GRAMD1C: variants seen among roughly 807,000 people sequenced by gnomAD.
The protein encoded by GRAMD1C is protein Aster-C.
GRAMD1C carries 89 observed loss-of-function variants against 97.8 expected under a neutral mutation model. The observed-to-expected ratio is 0.91, with a 90% CI of 0.77 to 1.09. GRAMD1C has a LOEUF of 1.09. Among genes scored for constraint, GRAMD1C ranks in the 50% least tolerant of loss-of-function variants. The probability of loss-of-function intolerance (pLI) is 0.00; values close to 1 mark genes in which losing one functional copy is unlikely to be tolerated. For missense variants in GRAMD1C, 740 were observed against 766.4 expected (o/e 0.97, Z 0.41); for synonymous variants, 256 against 267.0 (o/e 0.96, Z 0.40).
intron 3 of GRAMD1C, among the ~76,000 whole-genome samples, chr3:113,870,493 A>G (rs958086433): frequency 6.6e-6 from 1 of 152,180 alleles, no homozygotes; most frequent in Non-Finnish European, 1.5e-5. Flanking sequence ...AGTTAGATAG[A>G]AGGAATAAGA....
At chr3:113,878,648 A>G (rs1935141931) in intron 5 of GRAMD1C, among the ~76,000 whole-genome samples, 1 of 152,222 alleles carries the variant, frequency 6.6e-6, no homozygotes, top group African/African-American at 2.4e-5. Flanking sequence ...ATAAATTCAC[A>G]TCAGGACCTC....
chr3:113,944,859 T>A (rs1408833227), intron 17 of GRAMD1C, among the ~76,000 whole-genome samples: 1 of 152,226 alleles, frequency 6.6e-6, no homozygotes, highest in Non-Finnish European at 1.5e-5. Flanking sequence ...CACAATTTTC[T>A]TAGAGAAATG....
intron 5 of GRAMD1C, among the ~76,000 whole-genome samples, chr3:113,882,211 G>C (rs918291928): frequency 1.3e-5 from 2 of 152,120 alleles, no homozygotes; most frequent in African/African-American, 4.8e-5. Flanking sequence ...GCATTCAAAG[G>C]AAAGTGCAGT....
chr3:113,897,870 T>TAC, intron 6 of GRAMD1C: 1 of 338,708 alleles, frequency 3.0e-6, no homozygotes, highest in Non-Finnish European at 4.2e-6. Flanking sequence ...CTAAGGTAGA[T>TAC]TATTTTTGCT....
At position 113,930,664 on chromosome 3, in the gene GRAMD1C, A is replaced by T. The variant is rs761436079; in HGVS notation, c.1091-50A>T. The stretch of plus-strand genomic sequence containing the variant: ...AGCTCCTTTGATTTCATTTAATGTC[A>T]TACTGTTTAAGTTTCTAGAACTAAC... On this transcript the variant is annotated intron_variant, in intron 10 of 17. Transcript: ENST00000358160. 3 of 944,886 alleles carry T rather than the reference A, an allele frequency of 3.2e-6. No individual in the cohort carries two copies. In the East Asian group the frequency reaches 7.2e-5, roughly 23 times the overall value. The allele number at this position is 944,886 out of a possible 1,614,324, so 58.5% of individuals were successfully genotyped here.
intron 9 of GRAMD1C, among the ~76,000 whole-genome samples, chr3:113,910,377 C>T (rs1021053272): frequency 2.0e-5 from 3 of 151,998 alleles, no homozygotes; most frequent in African/African-American, 4.8e-5. Context: ...TGTGAGACTC[C>T]GTCTCAAAAA....
chr3:113,906,602 A>G (rs1936381725), intron 8 of GRAMD1C, among the ~76,000 whole-genome samples: 2 of 152,204 alleles, frequency 1.3e-5, no homozygotes, highest in Non-Finnish European at 2.9e-5. Context: ...AAAAGTTCAT[A>G]AAATAAAAAT....
chr3:113,832,039 G>GTTTTTTTTTTTTTTTTTTTT (rs113465428), intron 1 of GRAMD1C, among the ~76,000 whole-genome samples: 1 of 149,418 alleles, frequency 6.7e-6, no homozygotes, highest in African/African-American at 2.5e-5. Flanking sequence ...CAGCAACTTT[G>GTTTTTTTTTTTTTTTTTTTT]TTTTTTTTGA....
intron 3 of GRAMD1C, 105 bp downstream of exon 3, chr3:113,869,696 A>G (rs1246918252): frequency 6.6e-6 from 4 of 602,458 alleles, no homozygotes; most frequent in Non-Finnish European, 1.2e-5. Context: ...GCTAGACAGA[A>G]TATAATTTTC....
intron 15 of GRAMD1C, 34 bp from the exon 16 acceptor site, chr3:113,939,852 A>G: frequency 8.9e-7 from 1 of 1,120,610 alleles, no homozygotes; most frequent in South Asian, 1.2e-5. Flanking sequence ...AGGTCTGGAA[A>G]AGTGTGGATT....
At chr3:113,920,493 T>C (rs77052983) in intron 10 of GRAMD1C, among the ~76,000 whole-genome samples, 44 of 152,342 alleles carry the variant, frequency 2.9e-4, no homozygotes, top group Non-Finnish European at 3.4e-4. Context: ...AGCATAAACA[T>C]TAAAAATTTT....
At position 113,911,191 on chromosome 3, in the gene GRAMD1C, C is replaced by T. The variant is rs550123245; in HGVS notation, c.952+2071C>T. ...AGAGAGAGACACACACACACACACG[C>T]ACACGAGAGAGAGAGAGAGCATACA... On this transcript the variant is annotated intron_variant, in intron 9 of 17. Coordinates refer to ENST00000358160, the MANE Select transcript of GRAMD1C (RefSeq NM_017577.5). 4.0e-3 allele frequency among the ~76,000 whole-genome samples: 609 copies of T among 151,718 alleles called. 5 individuals are homozygous for T. Among genetic ancestry groups the T allele is most frequent in the African/African-American group, 0.014 (575 of 41,334 alleles).
Position 113,838,936 on chromosome 3 carries a change from G to T in GRAMD1C, c.27G>T (p.Gln9His), listed in dbSNP as rs775030695. ...TGGAGGGCGCTCCGACTGTCCGTCA[G>T]GTAAGCCGCGGGCCTCGCTGGGGCA... MEGAPTVRQVMNEGDSSLA... is the reference protein window; with the variant it reads MEGAPTVRHVMNEGDSSLA... Residue 9 changes from glutamine to histidine, a missense_variant and splice_region_variant, in exon 1 of 18, where the codon CAG becomes CAT. Coordinates refer to ENST00000358160, the MANE Select transcript of GRAMD1C (RefSeq NM_017577.5). The T allele has an allele frequency of 9.1e-7, 1 of 1,096,954 alleles. No homozygotes were observed. The highest frequency in any genetic ancestry group is 1.1e-6 in the Non-Finnish European group (1 of 923,268). 68.0% of individuals were successfully genotyped at this position (1,096,954 alleles called of 1,614,324 possible).
intron 2 of GRAMD1C, 59 bp downstream of exon 2, chr3:113,844,708 C>T: frequency 2.5e-6 from 3 of 1,211,538 alleles, no homozygotes; most frequent in Middle Eastern, 2.0e-4. Context: ...TTTAAATCTG[C>T]AAGGAGTCAT....
intron 1 of GRAMD1C, among the ~76,000 whole-genome samples, chr3:113,829,498 A>G (rs376059204): frequency 6.6e-6 from 1 of 151,166 alleles, no homozygotes. Context: ...CTGTGTTTGC[A>G]TTTGTGCAAC....
At chr3:113,837,723 A>AAAACAAACAAACAAAC (rs58525780), upstream of GRAMD1C, among the ~76,000 whole-genome samples, 30 of 150,062 alleles carry the variant, frequency 2.0e-4, no homozygotes, top group Admixed American at 1.1e-3. Flanking sequence ...CCTGTCTCAA[A>AAAACAAACAAACAAAC]AAACAAACAA....
intron 11 of GRAMD1C, 55 bp downstream of exon 11, chr3:113,930,887 T>A: frequency 6.7e-6 from 6 of 895,244 alleles, no homozygotes; most frequent in Non-Finnish European, 1.1e-5. Context: ...AGAGAGAAGA[T>A]GCCTATTATA....
In GRAMD1C at chr3:113,933,613, T is replaced by C. The variant is rs572482592; in HGVS notation, c.1312T>C (p.Tyr438His). 44 of 1,604,714 alleles carry C rather than the reference T, an allele frequency of 2.7e-5. No individual in the cohort carries two copies. The African/African-American group carries it at 5.3e-4, about 19-fold the overall frequency. ...YHDYFYTVNRYCIIRSSKQKC... is the reference protein window; with the variant it reads ...YHDYFYTVNRHCIIRSSKQKC... Reference sequence around the variant, plus strand: ...TGATTACTTCTATACCGTGAACAGATACTGTATCATCCGATCTTCAAAACA... The same window carrying C: ...TGATTACTTCTATACCGTGAACAGACACTGTATCATCCGATCTTCAAAACA... The change falls in exon 12 of 18, where the codon TAC (tyrosine) becomes CAC (histidine). Residue 438 changes from tyrosine (Y) to histidine (H), a missense_variant. Physicochemically the swap from Tyr to His is moderately conservative, Grantham distance 83 (BLOSUM62 2). Coordinates refer to ENST00000358160, the MANE Select transcript of GRAMD1C (RefSeq NM_017577.5).
At chr3:113,862,134 G>A (rs1224058947) in intron 2 of GRAMD1C, among the ~76,000 whole-genome samples, 1 of 152,160 alleles carries the variant, frequency 6.6e-6, no homozygotes, top group Non-Finnish European at 1.5e-5. Flanking sequence ...TGCTAATGAA[G>A]TTTCAGGCAC....
Sources: allele counts gnomAD v4.1 joint callset (sites outside exome capture counted in the v4.1 genomes callset), GRCh38; gene constraint gnomAD v4.1.1; transcripts MANE v1.5; gene names NCBI Gene and HGNC (gene_info 2026-07-23, HGNC 2026-07-21).